ARHGAP44: variants seen among roughly 807,000 people sequenced by gnomAD.
ARHGAP44 encodes rho GTPase-activating protein 44.
A neutral mutation model predicts 106.8 loss-of-function variants in ARHGAP44; 43 were observed. That is an observed-to-expected ratio of 0.40 (90% CI 0.32 to 0.52). ARHGAP44 has a LOEUF of 0.52. Ranked by LOEUF, ARHGAP44 falls within the 20% of genes least tolerant of loss-of-function variation. The pLI is 0.48. For synonymous variants in ARHGAP44, 439 were observed against 410.3 expected, an observed-to-expected ratio of 1.07 and a Z score of -0.85; for missense variants, 866 against 1,050.5, an observed-to-expected ratio of 0.82 and a Z score of 2.43.
intron 16 of ARHGAP44, among the ~76,000 whole-genome samples, chr17:12,968,777 T>TTTC (rs2039455565): frequency 6.6e-6 from 1 of 150,742 alleles, no homozygotes; most frequent in African/African-American, 2.4e-5. Flanking sequence ...CTTTTCTTTT[T>TTTC]TTTTTTTTTT....
At position 12,877,692 on chromosome 17, in the gene ARHGAP44, G is replaced by A. The variant is rs541371405; in HGVS notation, c.54-17248G>A. ...ATGAACCCGGGAGGCGGAGCTTGCC[G>A]TGAGCCGAGATCGCGCCACTGCACC... On this transcript the variant is annotated intron_variant, in intron 1 of 20. Coordinates refer to ENST00000379672, the MANE Select transcript of ARHGAP44 (RefSeq NM_014859.6). Among the ~76,000 whole-genome samples, 26 of 152,076 alleles carry A rather than the reference G, an allele frequency of 1.7e-4. 1 individual carries two copies. The South Asian group carries it at 4.6e-3, about 27-fold the overall frequency.
rs192254681 is a variant in ARHGAP44 at position 12,896,466 on chromosome 17, C to T, written c.153C>T (p.Thr51=). Residue 51 remains threonine (T), a synonymous_variant, in exon 3 of 21, where the codon ACC becomes ACT. Coordinates refer to ENST00000379672, the MANE Select transcript of ARHGAP44 (RefSeq NM_014859.6). ...QVSHSTHKKL[T]ACLQGQQGAE... is the part of the protein sequence containing the mutation. Reference sequence around the variant, plus strand: ...CCCACAGCACGCACAAGAAGCTCACCGCATGTCTGCAGGGCCAGCAAGGGG... The same window carrying T: ...CCCACAGCACGCACAAGAAGCTCACTGCATGTCTGCAGGGCCAGCAAGGGG... 147 of 1,609,656 alleles carry T rather than the reference C, an allele frequency of 9.1e-5. 1 individual carries two copies. In the East Asian group the frequency reaches 1.9e-3, roughly 21 times the overall value.
intron 1 of ARHGAP44, among the ~76,000 whole-genome samples, chr17:12,835,599 G>A (rs1424548362): frequency 7.2e-6 from 1 of 138,774 alleles, no homozygotes; most frequent in East Asian, 2.0e-4. Context: ...TGGTTACGTG[G>A]CATGGTCACA....
Position 12,952,651 on chromosome 17 carries a change from G to A in ARHGAP44, c.1136+70G>A, listed in dbSNP as rs1044446062. The A allele has an allele frequency of 2.9e-4, 342 of 1,176,158 alleles. 1 individual carries two copies. Among genetic ancestry groups the A allele is most frequent in the Middle Eastern group, 9.9e-4 (5 of 5,074 alleles). 72.9% of individuals were successfully genotyped at this position (1,176,158 alleles called of 1,614,324 possible). On this transcript the variant is annotated intron_variant, in intron 13 of 20. Transcript: ENST00000379672. ...GTAAGCCTCAGAGATACAACTGCCC[G>A]GGTAAAAGTCATGGTAACTACCATG...
chr17:12,978,818 G>T (rs1447268163), intron 18 of ARHGAP44, among the ~76,000 whole-genome samples: 2 of 151,850 alleles, frequency 1.3e-5, no homozygotes, highest in Non-Finnish European at 2.9e-5. Flanking sequence ...CCTCCCGAGT[G>T]GCTGGGATTA....
chr17:12,903,522 A>G (rs1202036365), intron 3 of ARHGAP44, among the ~76,000 whole-genome samples: 1 of 151,936 alleles, frequency 6.6e-6, no homozygotes, highest in African/African-American at 2.4e-5. Flanking sequence ...TACTGGAGGG[A>G]AAAAGATTTT....
intron 1 of ARHGAP44, among the ~76,000 whole-genome samples, chr17:12,841,594 T>TCTCACACACACA (rs1417307080): frequency 7.9e-6 from 1 of 126,514 alleles, no homozygotes; most frequent in Non-Finnish European, 1.6e-5. Context: ...TGTCTCTCTC[T>TCTCACACACACA]CACACACACA....
At chr17:12,849,591 T>TC (rs1337596434) in intron 1 of ARHGAP44, among the ~76,000 whole-genome samples, 1 of 138,356 alleles carries the variant, frequency 7.2e-6, no homozygotes, top group African/African-American at 3.0e-5. Flanking sequence ...TTTTTTTTTT[T>TC]TTTGCTTGGC....
chr17:12,810,493 C>T (rs1167911793), intron 1 of ARHGAP44, among the ~76,000 whole-genome samples: 13 of 152,116 alleles, frequency 8.5e-5, no homozygotes, highest in Non-Finnish European at 1.5e-5. Context: ...AGGATGAGGG[C>T]TGGTCACCAG....
At chr17:12,804,457 A>T (rs2034212608) in intron 1 of ARHGAP44, among the ~76,000 whole-genome samples, 1 of 152,168 alleles carries the variant, frequency 6.6e-6, no homozygotes, top group Non-Finnish European at 1.5e-5. Flanking sequence ...TGGCGAAGGG[A>T]TGGGTACCTG....
intron 1 of ARHGAP44, among the ~76,000 whole-genome samples, chr17:12,824,453 G>A (rs759611848): frequency 2.0e-5 from 3 of 152,042 alleles, no homozygotes; most frequent in East Asian, 1.9e-4. Flanking sequence ...CCAGCTGGAT[G>A]TTCAAAATGA....
In ARHGAP44 at chr17:12,978,035, T is replaced by TAAAAAAAAAAAAAA. The variant is rs757585682; in HGVS notation, c.1764-2023_1764-2022insAAAAAAAAAAAAAA. Reference sequence around the variant, plus strand: ...CTGGGCAACAGAGCAAGACTCCATCTCAAAAAAAAAAAAAAAAAAAAGTGT... The same window carrying TAAAAAAAAAAAAAA: ...CTGGGCAACAGAGCAAGACTCCATCTAAAAAAAAAAAAAACAAAAAAAAAAAAAAAAAAAAGTGT... On this transcript the variant is annotated intron_variant, in intron 18 of 20. Coordinates refer to ENST00000379672, the MANE Select transcript of ARHGAP44 (RefSeq NM_014859.6). 3.5e-3 allele frequency among the ~76,000 whole-genome samples: 193 copies of TAAAAAAAAAAAAAA among 55,502 alleles called. 42 individuals carry two copies. Among genetic ancestry groups the TAAAAAAAAAAAAAA allele is most frequent in the East Asian group, 0.017 (35 of 2,088 alleles). 36.4% of individuals were successfully genotyped at this position (55,502 alleles called of 152,430 possible).
intron 1 of ARHGAP44, among the ~76,000 whole-genome samples, chr17:12,841,637 C>CACACACACACACACAA (rs1555546100): frequency 2.0e-5 from 2 of 101,700 alleles, no homozygotes; most frequent in South Asian, 3.5e-4. Context: ...CACACACACA[C>CACACACACACACACAA]ACAAACAAAC....
rs2040099929 is a variant in ARHGAP44 at position 12,990,379 on chromosome 17, T to G, written c.*208T>G. On this transcript the variant is annotated 3_prime_UTR_variant, in exon 21 of 21. Coordinates refer to ENST00000379672, the MANE Select transcript of ARHGAP44 (RefSeq NM_014859.6). The stretch of plus-strand genomic sequence containing the variant: ...GGTTTTGTTTGTTCCTTTCGGGTGG[T>G]GACTTCGGCCTTTTGTTTGACCTTT... 2 of 608,724 alleles carry G rather than the reference T, an allele frequency of 3.3e-6. No homozygotes were observed. The highest frequency in any genetic ancestry group is 5.5e-6 in the Non-Finnish European group (2 of 363,034). 37.7% of individuals were successfully genotyped at this position (608,724 alleles called of 1,614,324 possible). A position where few individuals can be genotyped will look rare whatever the true frequency, so the allele number is the denominator to read the frequency against.
At chr17:12,922,898 A>T (rs1414701312) in intron 6 of ARHGAP44, among the ~76,000 whole-genome samples, 1 of 152,172 alleles carries the variant, frequency 6.6e-6, no homozygotes, top group Non-Finnish European at 1.5e-5. Flanking sequence ...TAGGTTCTGC[A>T]AACGTACATG....
intron 18 of ARHGAP44, among the ~76,000 whole-genome samples, chr17:12,976,680 A>G (rs557556830): frequency 1.3e-5 from 2 of 151,672 alleles, no homozygotes; most frequent in East Asian, 1.9e-4. Context: ...AGGGGGTTAG[A>G]TAGTCTTAGA....
intron 7 of ARHGAP44, among the ~76,000 whole-genome samples, chr17:12,930,383 A>G (rs1239136920): frequency 6.6e-6 from 1 of 151,908 alleles, no homozygotes; most frequent in African/African-American, 2.4e-5. Context: ...ATAGGTGCAC[A>G]CAACCACGCT....
intron 1 of ARHGAP44, among the ~76,000 whole-genome samples, chr17:12,843,362 T>C (rs533644838): frequency 1.3e-5 from 2 of 152,296 alleles, no homozygotes; most frequent in East Asian, 3.9e-4. Context: ...TCATCTGCCA[T>C]AGGCCCTGTT....
At chr17:12,854,841 T>A (rs1057208819) in intron 1 of ARHGAP44, among the ~76,000 whole-genome samples, 29 of 151,166 alleles carry the variant, frequency 1.9e-4, no homozygotes, top group Non-Finnish European at 3.5e-4. Context: ...GCCTGTAATC[T>A]CAGCTACTTG....
Sources: allele counts gnomAD v4.1 joint callset (sites outside exome capture counted in the v4.1 genomes callset), GRCh38; gene constraint gnomAD v4.1.1; transcripts MANE v1.5; gene names NCBI Gene and HGNC (gene_info 2026-07-23, HGNC 2026-07-21).